RINL: variants seen among roughly 807,000 people sequenced by gnomAD.
The protein encoded by RINL is Ras and Rab interactor like, also known as ras and Rab interactor-like protein.
A neutral mutation model predicts 58.1 loss-of-function variants in RINL; 39 were observed. The ratio of observed to expected loss-of-function variants is 0.67; its 90% CI spans 0.52 to 0.88. The LOEUF is 0.88. Among genes scored for constraint, RINL ranks in the 40% least tolerant of loss-of-function variants. The pLI is 0.00. For synonymous variants in RINL, 286 were observed against 323.1 expected (o/e 0.89, Z 1.23); for missense variants, 711 against 749.2 (o/e 0.95, Z 0.60).
In RINL at chr19:38,868,834, C is replaced by T; in HGVS notation, c.*270G>A. Reference sequence around the variant, plus strand: ...CTAATACCCACTCTGCTCCTCCCTTCCCCTCCCCTCCTTCAGGCCTTTCTG... The same window carrying T: ...CTAATACCCACTCTGCTCCTCCCTTTCCCTCCCCTCCTTCAGGCCTTTCTG... On this transcript the variant is annotated 3_prime_UTR_variant, in exon 12 of 12. Coordinates refer to ENST00000591812, the MANE Select transcript of RINL (RefSeq NM_001195833.2). The T allele has an allele frequency of 2.6e-6, 1 of 389,564 alleles. No individual in the cohort carries two copies. Among genetic ancestry groups the T allele is most frequent in the Non-Finnish European group, 4.7e-6 (1 of 213,560 alleles). The allele number at this position is 389,564 out of a possible 1,614,324, so 24.1% of individuals were successfully genotyped here. A position where few individuals can be genotyped will look rare whatever the true frequency, so the allele number is the denominator to read the frequency against.
At position 38,870,794 on chromosome 19, in the gene RINL, A is replaced by G; in HGVS notation, c.800T>C (p.Val267Ala). Reference protein sequence around the residue: ...DVLTIHVQSLVRARSSYVARQ... With the variant: ...DVLTIHVQSLARARSSYVARQ... ...GGCCACGTAGCTGCTCCGGGCCCTG[A>G]CCAGAGACTGGACGTGAATGGTGAG... The change falls in exon 8 of 12, where the codon GTC (valine) becomes GCC (alanine). Residue 267 changes from valine (V) to alanine (A), a missense_variant. Transcript: ENST00000591812. This position sits in a 1 kb window ranked among gnomAD's most constrained non-coding sequence, Gnocchi z 5.8. The G allele has an allele frequency of 6.2e-7, 1 of 1,612,406 alleles. No individual in the cohort carries two copies. Among genetic ancestry groups the G allele is most frequent in the Non-Finnish European group, 8.5e-7 (1 of 1,179,984 alleles).
intron 3 of RINL, 142 bp from the exon 4 acceptor site, chr19:38,874,130 A>C (rs780107535): frequency 3.2e-5 from 20 of 616,810 alleles, no homozygotes; most frequent in Non-Finnish European, 5.8e-5. Flanking sequence ...CTTTCAGTCC[A>C]TGTGTGTTGG....
Position 38,871,504 on chromosome 19 carries a change from A to T in RINL, c.451+143T>A, listed in dbSNP as rs992299917. On this transcript the variant is annotated intron_variant, in intron 6 of 11. Transcript: ENST00000591812. ...ATCCCCTCCTCCCTCTGGGACTACA[A>T]AGTCCAGGCCCCCAGCTCTCTCTAG... 1.3e-5 allele frequency: 10 copies of T among 790,776 alleles called. 1 individual carries two copies. The highest frequency in any genetic ancestry group is 1.2e-4 in the African/African-American group (7 of 57,526). 49.0% of individuals were successfully genotyped at this position (790,776 alleles called of 1,614,324 possible).
chr19:38,875,835 T>G (rs1972912658), intron 3 of RINL, among the ~76,000 whole-genome samples: 1 of 152,216 alleles, frequency 6.6e-6, no homozygotes, highest in Admixed American at 6.5e-5. Flanking sequence ...ATAGCTATGC[T>G]GGCCTCAATG....
At chr19:38,877,707 T>C (rs1471246110) in intron 1 of RINL, among the ~76,000 whole-genome samples, 1 of 152,148 alleles carries the variant, frequency 6.6e-6, no homozygotes, top group Non-Finnish European at 1.5e-5. Flanking sequence ...GAGTCCTACG[T>C]AGGTTATCAC....
At position 38,869,702 on chromosome 19, in the gene RINL, G is replaced by C; in HGVS notation, c.1345C>G (p.Pro449Ala). Residue 449 changes from proline to alanine, a missense_variant and splice_region_variant, in exon 10 of 12, where the codon CCC (proline) becomes GCC (alanine). By Grantham distance (27) the Pro-to-Ala change is conservative. Transcript: ENST00000591812. The surrounding 1 kb of genome is among the most constrained non-coding windows in gnomAD (Gnocchi z 5.7). Reference sequence around the variant, plus strand: ...GGCAGGAAGGCGTCGGCCCCCAGGGGATCTGGGAAAACCAGAGGAAAGGTC... The same window carrying C: ...GGCAGGAAGGCGTCGGCCCCCAGGGCATCTGGGAAAACCAGAGGAAAGGTC... ...AGLARGENQD[P>A]LGADAFLPAL... 6.2e-7 allele frequency: 1 copy of C among 1,613,666 alleles called. No individual in the cohort carries two copies. The highest frequency in any genetic ancestry group is 8.5e-7 in the Non-Finnish European group (1 of 1,179,988).
chr19:38,874,454 A>G (rs1272935393), intron 3 of RINL, among the ~76,000 whole-genome samples: 1 of 152,124 alleles, frequency 6.6e-6, no homozygotes, highest in African/African-American at 2.4e-5. Flanking sequence ...TTGTATTTTT[A>G]GCAGAGACAG....
Position 38,869,536 on chromosome 19 carries a change from A to C in RINL, c.1474+37T>G, listed in dbSNP as rs374476734. The C allele has an allele frequency of 6.2e-7, 1 of 1,609,938 alleles. No individual in the cohort carries two copies. Among genetic ancestry groups the C allele is most frequent in the African/African-American group, 1.3e-5 (1 of 74,802 alleles). ...CTGTTTGGGATCCCGGAGGTACTGGATCGCTGGGCTCCAGCATTCTGGAGT... is the reference window on the plus strand; with the variant it reads ...CTGTTTGGGATCCCGGAGGTACTGGCTCGCTGGGCTCCAGCATTCTGGAGT... On this transcript the variant is annotated intron_variant, in intron 10 of 11. Coordinates refer to ENST00000591812, the MANE Select transcript of RINL (RefSeq NM_001195833.2). The surrounding 1 kb of genome is among the most constrained non-coding windows in gnomAD (Gnocchi z 5.7).
chr19:38,874,408 G>T (rs1834677351), intron 3 of RINL, among the ~76,000 whole-genome samples: 1 of 152,142 alleles, frequency 6.6e-6, no homozygotes, highest in African/African-American at 2.4e-5. Context: ...AAGTAGCTGG[G>T]ATTACGGGCG....
Position 38,870,369 on chromosome 19 carries a change from T to TC in RINL, c.1025-110dup. On this transcript the variant is annotated intron_variant, in intron 8 of 11. Coordinates refer to ENST00000591812, the MANE Select transcript of RINL (RefSeq NM_001195833.2). The surrounding 1 kb of genome is among the most constrained non-coding windows in gnomAD (Gnocchi z 5.8). ...CACAGCCACCCCTGCCTAGCTCTGG[T>TC]CCCCCGTGAGTGTAGACATGGTTGT... The TC allele has an allele frequency of 9.5e-7, 1 of 1,057,598 alleles. No homozygotes were observed. Among genetic ancestry groups the TC allele is most frequent in the Non-Finnish European group, 1.3e-6 (1 of 770,078 alleles). 65.5% of individuals were successfully genotyped at this position (1,057,598 alleles called of 1,614,324 possible).
intron 4 of RINL, among the ~76,000 whole-genome samples, chr19:38,872,720 A>G (rs1972840358): frequency 6.6e-6 from 1 of 152,008 alleles, no homozygotes. Context: ...TAAAAATACA[A>G]AAAATTGGGA....
At chr19:38,875,455 C>T (rs1326748663) in intron 3 of RINL, among the ~76,000 whole-genome samples, 1 of 151,908 alleles carries the variant, frequency 6.6e-6, no homozygotes, top group Admixed American at 6.6e-5. Context: ...GTGGGTGGAT[C>T]ACCTGACGTC....
intron 4 of RINL, among the ~76,000 whole-genome samples, chr19:38,872,937 G>A (rs1972845315): frequency 7.3e-6 from 1 of 136,910 alleles, no homozygotes; most frequent in Non-Finnish European, 1.5e-5. Context: ...GTGGTGGTGT[G>A]CACCTGTAAT....
Position 38,869,120 on chromosome 19 carries a change from C to T in RINL, c.1685G>A (p.Gly562Glu), listed in dbSNP as rs746689126. The stretch of plus-strand genomic sequence containing the variant: ...GTGAAACCCCTAGTTGTCACTGGTC[C>T]CTGTCACAGTCTCTTCTGCCCATGG... ...KEPWAEETVT[G>E]TSDN The change falls in exon 12 of 12, where the codon GGG becomes GAG. Residue 562 changes from glycine (G) to glutamate (E), a missense_variant. Gly to Glu is a moderately conservative substitution (Grantham distance 98). Transcript: ENST00000591812. The surrounding 1 kb of genome is among the most constrained non-coding windows in gnomAD (Gnocchi z 5.7). 1.2e-6 allele frequency: 2 copies of T among 1,606,982 alleles called. No homozygotes were observed. The highest frequency in any genetic ancestry group is 1.7e-6 in the Non-Finnish European group (2 of 1,175,086).
intron 5 of RINL, 22 bp from the exon 6 acceptor site, chr19:38,871,733 CCA>C: frequency 6.2e-7 from 1 of 1,613,990 alleles, no homozygotes; most frequent in Non-Finnish European, 8.5e-7. Flanking sequence ...GAGGTGGGAG[CCA>C]CAGTGTCAGT....
intron 1 of RINL, among the ~76,000 whole-genome samples, chr19:38,877,115 G>T (rs377670715): frequency 6.6e-6 from 1 of 152,138 alleles, no homozygotes; most frequent in African/African-American, 2.4e-5. Flanking sequence ...AGGTTTTGAC[G>T]TGTTACCCAG....
chr19:38,871,637 C>A lies in RINL; in HGVS notation c.451+10G>T, dbSNP rs73930219. 2 of 1,612,364 alleles carry A rather than the reference C, an allele frequency of 1.2e-6. No homozygotes were observed. The highest frequency in any genetic ancestry group is 1.7e-6 in the Non-Finnish European group (2 of 1,179,290). The stretch of plus-strand genomic sequence containing the variant: ...GTTGGCTGTGCCCTCTTTAGAGAAC[C>A]GTGCCTCACCTGTGTGTTCATCTCT... On this transcript the variant is annotated intron_variant, in intron 6 of 11. Coordinates refer to ENST00000591812, the MANE Select transcript of RINL (RefSeq NM_001195833.2).
At chr19:38,875,782 TG>T (rs1288183989) in intron 3 of RINL, among the ~76,000 whole-genome samples, 1 of 152,232 alleles carries the variant, frequency 6.6e-6, no homozygotes, top group Non-Finnish European at 1.5e-5. Flanking sequence ...TGCTTGGGCC[TG>T]GGGCAGCCCC....
intron 3 of RINL, 81 bp downstream of exon 3, chr19:38,876,244 TGCCCAA>T: frequency 1.5e-6 from 2 of 1,347,442 alleles, no homozygotes; most frequent in Non-Finnish European, 2.0e-6. Flanking sequence ...CTTTTTGGTT[TGCCCAA>T]TTTGTGTCAT....
Sources: allele counts gnomAD v4.1 joint callset (sites outside exome capture counted in the v4.1 genomes callset), GRCh38; gene constraint gnomAD v4.1.1; non-coding constraint Gnocchi (gnomAD v3.1); transcripts MANE v1.5; gene names NCBI Gene and HGNC (gene_info 2026-07-23, HGNC 2026-07-21).